Variants in FARP2 observed in about 807,000 individuals in gnomAD.
FARP2 encodes FERM, ARHGEF and pleckstrin domain-containing protein 2.
Under a neutral mutation model 130.5 loss-of-function variants are expected in FARP2, and 111 were observed. That is an observed-to-expected ratio of 0.85 (90% CI 0.73 to 1.00). The LOEUF (loss-of-function observed/expected upper bound fraction) is 1.00, where lower values mean the gene tolerates loss of function less well. Ranked by LOEUF, FARP2 falls within the 50% of genes least tolerant of loss-of-function variation. The pLI is 0.00. For synonymous variants in FARP2, 504 were observed against 516.9 expected (o/e 0.98, Z 0.34); for missense variants, 1,385 against 1,346.3 (o/e 1.03, Z -0.45).
chr2:241,450,604 T>C (rs749796185), intron 13 of FARP2, among the ~76,000 whole-genome samples: 1 of 151,764 alleles, frequency 6.6e-6, no homozygotes, highest in Non-Finnish European at 1.5e-5. Context: ...AGGTAGAGGC[T>C]GCAGTGAGCT....
In FARP2 at chr2:241,434,187, G is replaced by C; in HGVS notation, c.897G>C (p.Leu299Phe). The change falls in exon 10 of 27, where the codon TTG becomes TTC. Residue 299 changes from leucine (L) to phenylalanine (F), a missense_variant. Transcript: ENST00000264042. ...HGPYQDTLEF[L>F]LGSRDECKNF... Reference sequence around the variant, plus strand: ...CTTACCAGGACACATTAGAATTTTTGTTGGGTAGTAGAGATGAATGTAAGA... The same window carrying C: ...CTTACCAGGACACATTAGAATTTTTCTTGGGTAGTAGAGATGAATGTAAGA... The C allele has an allele frequency of 6.2e-7, 1 of 1,611,934 alleles. No individual in the cohort carries two copies. The highest frequency in any genetic ancestry group is 1.7e-5 in the Admixed American group (1 of 59,522).
chr2:241,365,828 T>C (rs558142427), intron 1 of FARP2, among the ~76,000 whole-genome samples: 5 of 152,118 alleles, frequency 3.3e-5, no homozygotes, highest in African/African-American at 1.2e-4. Context: ...AAAATATTGA[T>C]TTAATTTTGC....
intron 2 of FARP2, among the ~76,000 whole-genome samples, chr2:241,377,571 G>C (rs2061567956): frequency 6.6e-6 from 1 of 152,168 alleles, no homozygotes; most frequent in South Asian, 2.1e-4. Context: ...TCGATCTCCT[G>C]ACCTCAGGTG....
rs1245439144 is a variant in FARP2, at chr2:241,404,853, G to A, written c.331+12G>A. On this transcript the variant is annotated intron_variant, in intron 4 of 26. Transcript: ENST00000264042. ...TAGGCAAATACGAAGTAAGTCCTTG[G>A]TTTGACTCTTTAAAATCTGTTTGTT... is the stretch of plus-strand genomic sequence containing the variant. 1.2e-6 allele frequency: 2 copies of A among 1,600,056 alleles called. No individual in the cohort carries two copies. Among genetic ancestry groups the A allele is most frequent in the Non-Finnish European group, 1.7e-6 (2 of 1,167,610 alleles).
chr2:241,437,648 A>ATATTTATTTATTTATT (rs546520221), intron 12 of FARP2, among the ~76,000 whole-genome samples: 1 of 139,528 alleles, frequency 7.2e-6, no homozygotes, highest in South Asian at 2.3e-4. Flanking sequence ...ACATATATAT[A>ATATTTATTTATTTATT]TATTTATTTA....
At chr2:241,405,010 T>G (rs150261123) in intron 4 of FARP2, among the ~76,000 whole-genome samples, 169 bp downstream of exon 4, 2 of 152,346 alleles carry the variant, frequency 1.3e-5, no homozygotes, top group East Asian at 3.9e-4. Context: ...GTTTTAGTAA[T>G]TTTAACTCAG....
At chr2:241,384,184 A>G (rs1436361760) in intron 2 of FARP2, among the ~76,000 whole-genome samples, 1 of 152,040 alleles carries the variant, frequency 6.6e-6, no homozygotes, top group Non-Finnish European at 1.5e-5. Flanking sequence ...CTGAACTTTT[A>G]TTCTTAGAGA....
At chr2:241,366,125 A>ATAGATATATACATATATATATATACG (rs1553705677) in intron 1 of FARP2, among the ~76,000 whole-genome samples, 1 of 67,368 alleles carries the variant, frequency 1.5e-5, no homozygotes, top group Non-Finnish European at 2.8e-5. Context: ...ATATATACGT[A>ATAGATATATACATATATATATATACG]TATATATATA....
chr2:241,463,879 CTT>C lies in FARP2; in HGVS notation c.1812-18_1812-17del, dbSNP rs778639247. ...CAAGCTTTCACCATGTTTAGGATGA[CTT>C]TGTTTCTTTTTACTCAGGGAAGGGC... is the stretch of plus-strand genomic sequence containing the variant. On this transcript the variant is annotated intron_variant, in intron 16 of 26. Coordinates refer to ENST00000264042, the MANE Select transcript of FARP2 (RefSeq NM_014808.4). The C allele has an allele frequency of 1.2e-6, 2 of 1,607,444 alleles. No individual in the cohort carries two copies. Among genetic ancestry groups the C allele is most frequent in the South Asian group, 1.1e-5 (1 of 90,614 alleles).
At chr2:241,362,382 T>A (rs1356229178) in intron 1 of FARP2, among the ~76,000 whole-genome samples, 1 of 151,966 alleles carries the variant, frequency 6.6e-6, no homozygotes, top group Admixed American at 6.6e-5. Flanking sequence ...GGTGGGCAGA[T>A]CATGAGGTCA....
chr2:241,420,494 C>T (rs953105877), intron 8 of FARP2, among the ~76,000 whole-genome samples: 2 of 152,106 alleles, frequency 1.3e-5, no homozygotes, highest in Non-Finnish European at 2.9e-5. Context: ...GAATTTGAGC[C>T]TTGTGAATGT....
At chr2:241,396,915 CAA>C (rs2062044291) in intron 2 of FARP2, among the ~76,000 whole-genome samples, 1 of 152,196 alleles carries the variant, frequency 6.6e-6, no homozygotes, top group Non-Finnish European at 1.5e-5. Context: ...TTCACAATGG[CAA>C]AGACTTGGAA....
At chr2:241,491,976 C>A (rs552717105) in intron 24 of FARP2, among the ~76,000 whole-genome samples, 2 of 152,306 alleles carry the variant, frequency 1.3e-5, no homozygotes, top group Non-Finnish European at 2.9e-5. Context: ...AGACACATCC[C>A]CTGCAGCCCC....
chr2:241,488,416 G>GAT (rs1553738042), intron 21 of FARP2: 1 of 125,964 alleles, frequency 7.9e-6, no homozygotes, highest in Non-Finnish European at 1.7e-5. Flanking sequence ...TACTTTTTTG[G>GAT]TTTTTTTTTT....
Position 241,436,125 on chromosome 2 carries a change from G to A in FARP2, c.1101-356G>A, listed in dbSNP as rs745757485. On this transcript the variant is annotated intron_variant, in intron 11 of 26. Coordinates refer to ENST00000264042, the MANE Select transcript of FARP2 (RefSeq NM_014808.4). ...GACGGGGTTTCATAATGTTAGCCAG[G>A]ATGGTCTTGATCTGACCTCGTGATC... Among the ~76,000 whole-genome samples the A allele has an allele frequency of 2.7e-5, 4 of 150,568 alleles. No individual in the cohort carries two copies. The South Asian group carries it at 8.4e-4, about 32-fold the overall frequency.
intron 14 of FARP2, 109 bp from the exon 15 acceptor site, chr2:241,462,414 G>A (rs1559794633): frequency 4.3e-6 from 3 of 696,184 alleles, no homozygotes; most frequent in South Asian, 1.7e-5. Context: ...ACCCCATGAC[G>A]ATGTTACCTT....
chr2:241,447,704 T>G (rs1365368383), intron 13 of FARP2, among the ~76,000 whole-genome samples: 1 of 152,094 alleles, frequency 6.6e-6, no homozygotes, highest in Non-Finnish European at 1.5e-5. Flanking sequence ...ACTCTGAGCT[T>G]GAGTTTCCCA....
chr2:241,387,924 A>C (rs2061826265), intron 2 of FARP2, among the ~76,000 whole-genome samples: 1 of 152,200 alleles, frequency 6.6e-6, no homozygotes, highest in Non-Finnish European at 1.5e-5. Flanking sequence ...AAAAAAATCA[A>C]AGATCATCTA....
Position 241,383,130 on chromosome 2 carries a change from G to A in FARP2, c.183+9840G>A, listed in dbSNP as rs544259703. Among the ~76,000 whole-genome samples the A allele has an allele frequency of 7.7e-4, 118 of 152,346 alleles. 1 individual carries two copies. The highest frequency in any genetic ancestry group is 2.5e-3 in the African/African-American group (103 of 41,566). On this transcript the variant is annotated intron_variant, in intron 2 of 26. Coordinates refer to ENST00000264042, the MANE Select transcript of FARP2 (RefSeq NM_014808.4). ...AACAGCCTTAGGCCAGCACGTGTTT[G>A]GCAGGTATTTGCTGAGCCTCGGTGT...
Sources: allele counts gnomAD v4.1 joint callset (sites outside exome capture counted in the v4.1 genomes callset), GRCh38; gene constraint gnomAD v4.1.1; transcripts MANE v1.5; gene names NCBI Gene and HGNC (gene_info 2026-07-23, HGNC 2026-07-21).